CDH4: variants seen among roughly 807,000 people sequenced by gnomAD.
CDH4 encodes cadherin-4.
A neutral mutation model predicts 86.0 loss-of-function variants in CDH4; 33 were observed. That is an observed-to-expected ratio of 0.38 (90% confidence interval 0.29 to 0.51). The LOEUF (loss-of-function observed/expected upper bound fraction) is 0.51, where lower values mean the gene tolerates loss of function less well. CDH4 is among the 20% of genes least tolerant of loss of function. The pLI is 0.86. For synonymous variants in CDH4, 555 were observed against 549.4 expected (o/e 1.01, Z -0.14); for missense variants, 1,114 against 1,307.4 (o/e 0.85, Z 2.28).
At chr20:61,910,049 G>A (rs369563709) in intron 8 of CDH4, among the ~76,000 whole-genome samples, 2 of 152,356 alleles carry the variant, frequency 1.3e-5, no homozygotes, top group East Asian at 1.9e-4. Flanking sequence ...GTGCACTCCC[G>A]TGCACCCCTG....
At chr20:61,835,763 G>C (rs898843799) in intron 4 of CDH4, among the ~76,000 whole-genome samples, 1 of 152,194 alleles carries the variant, frequency 6.6e-6, no homozygotes, top group Non-Finnish European at 1.5e-5. Flanking sequence ...CCCAACCTAA[G>C]ACACAGGGAT....
At chr20:61,273,710 G>T (rs959748248) in intron 2 of CDH4, among the ~76,000 whole-genome samples, 13 of 149,688 alleles carry the variant, frequency 8.7e-5, no homozygotes, top group African/African-American at 3.2e-4. Context: ...TGCAGTTTGG[G>T]TAAGTACCAT....
intron 2 of CDH4, among the ~76,000 whole-genome samples, chr20:61,715,864 G>A (rs1300877169): frequency 1.3e-5 from 2 of 152,244 alleles, no homozygotes; most frequent in Non-Finnish European, 2.9e-5. Flanking sequence ...GCAGGAGCCA[G>A]CATTTCTAAC....
intron 8 of CDH4, among the ~76,000 whole-genome samples, chr20:61,906,057 C>T (rs1392407753): frequency 3.9e-5 from 6 of 152,314 alleles, no homozygotes; most frequent in Middle Eastern, 3.4e-3. Context: ...TTCAGATTCA[C>T]GTGGTTACCA....
At chr20:61,632,378 A>G (rs1263886075) in intron 2 of CDH4, among the ~76,000 whole-genome samples, 1 of 152,144 alleles carries the variant, frequency 6.6e-6, no homozygotes, top group Non-Finnish European at 1.5e-5. Flanking sequence ...TGTGCTTTTC[A>G]GCAAAACAGT....
rs1257409185 is a variant in CDH4 at position 61,565,222 on chromosome 20, A to G, written c.170-178341A>G. The stretch of plus-strand genomic sequence containing the variant: ...TGGTGGTCGCGGTGCTCTCGGTGGT[A>G]GGTGGTGGTGGTGGTGGTGGCGGTG... On this transcript the variant is annotated intron_variant, in intron 2 of 15. Transcript: ENST00000614565. Among the ~76,000 whole-genome samples the G allele has an allele frequency of 1.7e-3, 18 of 10,692 alleles. 1 individual carries two copies. The highest frequency in any genetic ancestry group is 2.4e-3 in the Non-Finnish European group (15 of 6,382). 7.0% of individuals were successfully genotyped at this position (10,692 alleles called of 152,430 possible).
intron 8 of CDH4, among the ~76,000 whole-genome samples, chr20:61,910,048 C>T (rs1453311456): frequency 1.3e-5 from 2 of 152,266 alleles, no homozygotes; most frequent in African/African-American, 4.8e-5. Flanking sequence ...CGTGCACTCC[C>T]GTGCACCCCT....
At chr20:61,498,778 T>C (rs2145597237) in intron 2 of CDH4, among the ~76,000 whole-genome samples, 1 of 152,112 alleles carries the variant, frequency 6.6e-6, no homozygotes, top group East Asian at 1.9e-4. Flanking sequence ...AAAAAAAATC[T>C]CATAACGTTT....
intron 7 of CDH4, among the ~76,000 whole-genome samples, chr20:61,886,305 C>T (rs978949292): frequency 6.6e-6 from 1 of 152,214 alleles, no homozygotes; most frequent in African/African-American, 2.4e-5. Flanking sequence ...ACTCAGGAAG[C>T]TTTGATGCCT....
At chr20:61,860,374 G>A (rs961925447) in intron 6 of CDH4, among the ~76,000 whole-genome samples, 2 of 152,312 alleles carry the variant, frequency 1.3e-5, no homozygotes, top group Non-Finnish European at 1.5e-5. Context: ...GCTACACCTC[G>A]GATATGCATA....
chr20:61,613,181 G>A (rs934692396), intron 2 of CDH4, among the ~76,000 whole-genome samples: 69 of 151,960 alleles, frequency 4.5e-4, no homozygotes, highest in Middle Eastern at 3.4e-3. Context: ...CCCCCTCTTG[G>A]TTTCACACTC....
intron 4 of CDH4, among the ~76,000 whole-genome samples, chr20:61,781,309 A>G (rs1328480093): frequency 6.6e-6 from 1 of 152,026 alleles, no homozygotes; most frequent in Non-Finnish European, 1.5e-5. Flanking sequence ...GAACCCAGGA[A>G]CCCTGAGATC....
intron 2 of CDH4, among the ~76,000 whole-genome samples, chr20:61,592,078 C>G (rs1473594857): frequency 1.3e-5 from 2 of 151,954 alleles, no homozygotes; most frequent in East Asian, 3.8e-4. Flanking sequence ...TTCTTTTAAG[C>G]AAAAACAGGT....
intron 2 of CDH4, among the ~76,000 whole-genome samples, chr20:61,535,719 A>G (rs756261855): frequency 1.3e-5 from 2 of 152,060 alleles, no homozygotes; most frequent in African/African-American, 4.8e-5. Flanking sequence ...CTGAGCCTCC[A>G]TGGGGAGGGT....
Position 61,492,368 on chromosome 20 carries a change from A to ATGTT in CDH4, c.169+237431_169+237432insTGTT, listed in dbSNP as rs1555856019. Among the ~76,000 whole-genome samples, 964 of 131,008 alleles carry ATGTT rather than the reference A, an allele frequency of 7.4e-3. 9 individuals are homozygous for ATGTT. Among genetic ancestry groups the ATGTT allele is most frequent in the African/African-American group, 0.027 (927 of 34,306 alleles). The allele number at this position is 131,008 out of a possible 152,430, so 85.9% of individuals were successfully genotyped here. A position where few individuals can be genotyped will look rare whatever the true frequency, so the allele number is the denominator to read the frequency against. On this transcript the variant is annotated intron_variant, in intron 2 of 15. Transcript: ENST00000614565. Reference sequence around the variant, plus strand: ...ATGTTGATGGTGGTGGTGTTGATGTAAGTGGTGTCAATATTGTTGATGTTA... The same window carrying ATGTT: ...ATGTTGATGGTGGTGGTGTTGATGTATGTTAGTGGTGTCAATATTGTTGATGTTA...
chr20:61,521,862 T>C (rs1215555641), intron 2 of CDH4, among the ~76,000 whole-genome samples: 1 of 152,212 alleles, frequency 6.6e-6, no homozygotes, highest in African/African-American at 2.4e-5. Flanking sequence ...CGGCCTGTGC[T>C]GATTTTAGTC....
intron 2 of CDH4, among the ~76,000 whole-genome samples, chr20:61,280,586 T>G (rs1600829598): frequency 6.6e-6 from 1 of 152,342 alleles, no homozygotes; most frequent in African/African-American, 2.4e-5. Flanking sequence ...TGAAAAATAC[T>G]GTGTTTATTT....
chr20:61,347,680 A>G (rs2084687204), intron 2 of CDH4, among the ~76,000 whole-genome samples: 1 of 152,194 alleles, frequency 6.6e-6, no homozygotes. Flanking sequence ...CGGGAGATGT[A>G]TATGCTTATC....
intron 2 of CDH4, among the ~76,000 whole-genome samples, chr20:61,453,131 A>C (rs934712379): frequency 1.3e-5 from 2 of 152,212 alleles, no homozygotes; most frequent in Non-Finnish European, 2.9e-5. Flanking sequence ...AAGGAAGGGG[A>C]AAAAAGCCAA....
Sources: allele counts gnomAD v4.1 joint callset (sites outside exome capture counted in the v4.1 genomes callset), GRCh38; gene constraint gnomAD v4.1.1; transcripts MANE v1.5; gene names NCBI Gene and HGNC (gene_info 2026-07-23, HGNC 2026-07-21).